Variants in BRWD1 observed in about 807,000 individuals in gnomAD.
The protein encoded by BRWD1 is bromodomain and WD repeat domain containing 1, also known as bromodomain and WD repeat-containing protein 1.
Under a neutral mutation model 251.2 loss-of-function variants are expected in BRWD1, and 82 were observed. The ratio of observed to expected loss-of-function variants is 0.33; its 90% CI spans 0.27 to 0.39. The LOEUF is 0.39. Among genes scored for constraint, BRWD1 ranks in the 10% least tolerant of loss-of-function variants. The pLI is 1.00. For synonymous variants in BRWD1, 918 were observed against 902.8 expected (o/e 1.02, Z -0.30); for missense variants, 2,233 against 2,711.6 (o/e 0.82, Z 3.92).
In BRWD1 at chr21:39,276,174, G is replaced by C; in HGVS notation, c.1144C>G (p.Arg382Gly). The C allele has an allele frequency of 6.2e-7, 1 of 1,606,506 alleles. No homozygotes were observed. The highest frequency in any genetic ancestry group is 8.5e-7 in the Non-Finnish European group (1 of 1,175,666). The stretch of plus-strand genomic sequence containing the variant: ...CACACATACAAAACACACACTTACC[G>C]ATCACCATTGTTACAAAATTGGATA... ...DSIQFCNNGD[R>G]FLSGSRDGTA... Residue 382 changes from arginine to glycine, a missense_variant and splice_region_variant, in exon 12 of 41, where the codon CGG (arginine) becomes GGG (glycine). By Grantham distance (125) the Arg-to-Gly change is moderately radical. Transcript: ENST00000342449.
In BRWD1 at chr21:39,258,596, A is replaced by G; in HGVS notation, c.1962T>C (p.Ile654=). Residue 654 remains isoleucine (I), a synonymous_variant, in exon 18 of 41, where the codon ATT becomes ATC. Coordinates refer to ENST00000342449, the MANE Select transcript of BRWD1 (RefSeq NM_033656.4). Reference sequence around the variant, plus strand: ...GCAACTGTCTTATCATTCCATCAAGAATACTCGATTCTGGGCTGCGTTCAT... The same window carrying G: ...GCAACTGTCTTATCATTCCATCAAGGATACTCGATTCTGGGCTGCGTTCAT... ...DNDERSPESS[I]LDGMIRQLQQ... is the part of the protein sequence containing the mutation. The G allele has an allele frequency of 6.2e-7, 1 of 1,613,468 alleles. No individual in the cohort carries two copies. Among genetic ancestry groups the G allele is most frequent in the African/African-American group, 1.3e-5 (1 of 75,012 alleles).
At chr21:39,220,920 T>A (rs552988525) in intron 29 of BRWD1, among the ~76,000 whole-genome samples, 2 of 152,078 alleles carry the variant, frequency 1.3e-5, no homozygotes, top group African/African-American at 4.8e-5. Flanking sequence ...CACTTTGGGA[T>A]GCCGAGGCAG....
chr21:39,276,913 A>T (rs1179915820), intron 11 of BRWD1, among the ~76,000 whole-genome samples: 1 of 152,224 alleles, frequency 6.6e-6, no homozygotes, highest in Non-Finnish European at 1.5e-5. Context: ...AATTGCTTGT[A>T]TGCTTAAATT....
At position 39,195,696 on chromosome 21, in the gene BRWD1, G is replaced by A; in HGVS notation, c.*563C>T. On this transcript the variant is annotated 3_prime_UTR_variant, in exon 41 of 41. Coordinates refer to ENST00000342449, the MANE Select transcript of BRWD1 (RefSeq NM_033656.4). ...AAAATTAGAAACCATTTCAATGAAA[G>A]TGACCAGATCTGGTATAATGCATTC... The A allele has an allele frequency of 2.0e-6, 2 of 985,158 alleles. No individual in the cohort carries two copies. Among genetic ancestry groups the A allele is most frequent in the Non-Finnish European group, 2.4e-6 (2 of 829,686 alleles). The allele number at this position is 985,158 out of a possible 1,614,324, so 61.0% of individuals were successfully genotyped here.
chr21:39,216,202 TAAG>T (rs2032885050), intron 31 of BRWD1, among the ~76,000 whole-genome samples: 5 of 152,120 alleles, frequency 3.3e-5, no homozygotes, highest in African/African-American at 4.8e-5. Context: ...TAAAAATCAT[TAAG>T]AATAGGAAAT....
rs760469559 is a variant in BRWD1 at position 39,228,596 on chromosome 21, TAA to T, written c.3126-16_3126-15del. ...ATATCATGATATCTAGACAAAAATT[TAA>T]AAAATTGTTAAACTCTCTACATAGC... On this transcript the variant is annotated splice_polypyrimidine_tract_variant and intron_variant, in intron 26 of 40. Transcript: ENST00000342449. 1.9e-6 allele frequency: 3 copies of T among 1,540,038 alleles called. No individual in the cohort carries two copies. Among genetic ancestry groups the T allele is most frequent in the East Asian group, 2.3e-5 (1 of 44,404 alleles).
rs142136565 is a variant in BRWD1, at chr21:39,202,422, G to A, written c.4488C>T (p.Ile1496=). The A allele has an allele frequency of 6.5e-5, 105 of 1,613,988 alleles. 1 individual carries two copies. Among genetic ancestry groups the A allele is most frequent in the Non-Finnish European group, 8.5e-5 (100 of 1,179,972 alleles). The part of the protein sequence containing the change: ...YLGTHKTSAG[I]SSGVTSGDSS... Reference sequence around the variant, plus strand: ...AGTCACCAGAAGTAACACCTGAAGAGATACCAGCACTTGTCTTGTGGGTTC... The same window carrying A: ...AGTCACCAGAAGTAACACCTGAAGAAATACCAGCACTTGTCTTGTGGGTTC... The change falls in exon 38 of 41, where the codon ATC becomes ATT. Residue 1496 remains isoleucine, a synonymous_variant. Coordinates refer to ENST00000342449, the MANE Select transcript of BRWD1 (RefSeq NM_033656.4).
rs991387870 is a variant in BRWD1 at position 39,195,704 on chromosome 21, A to T, written c.*555T>A. 1.1e-5 allele frequency: 11 copies of T among 984,968 alleles called. No homozygotes were observed. The African/African-American group carries it at 1.8e-4, about 16-fold the overall frequency. 61.0% of individuals were successfully genotyped at this position (984,968 alleles called of 1,614,324 possible). On this transcript the variant is annotated 3_prime_UTR_variant, in exon 41 of 41. Transcript: ENST00000342449. ...AAACCATTTCAATGAAAGTGACCAG[A>T]TCTGGTATAATGCATTCTACTCAAG...
intron 21 of BRWD1, among the ~76,000 whole-genome samples, chr21:39,246,491 C>T (rs548891821): frequency 6.6e-6 from 1 of 152,146 alleles, no homozygotes; most frequent in Non-Finnish European, 1.5e-5. Flanking sequence ...CCATACGACC[C>T]AGCATACCAT....
At chr21:39,206,657 C>G (rs564554499) in intron 36 of BRWD1, among the ~76,000 whole-genome samples, 3 of 152,296 alleles carry the variant, frequency 2.0e-5, no homozygotes, top group Admixed American at 6.5e-5. Flanking sequence ...AAAGCGCTGT[C>G]TTTCTTTGGG....
intron 17 of BRWD1, among the ~76,000 whole-genome samples, chr21:39,259,317 T>C (rs569745118): frequency 3.9e-4 from 59 of 152,092 alleles, no homozygotes; most frequent in African/African-American, 1.4e-3. Context: ...TGAGACGGAG[T>C]CTCACTTTTG....
At chr21:39,308,633 G>A (rs1160768397) in intron 4 of BRWD1, among the ~76,000 whole-genome samples, 1 of 152,066 alleles carries the variant, frequency 6.6e-6, no homozygotes, top group Non-Finnish European at 1.5e-5. Context: ...AAATACTGAT[G>A]TCCAGTCCCA....
chr21:39,214,720 G>C (rs2032809013), intron 32 of BRWD1, among the ~76,000 whole-genome samples: 1 of 151,844 alleles, frequency 6.6e-6, no homozygotes, highest in African/African-American at 2.4e-5. Context: ...CAACTTTCTG[G>C]AGTATAAAAT....
rs1188917293 is a variant in BRWD1, at chr21:39,229,352, G to C, written c.3085C>G (p.Pro1029Ala). 6.2e-7 allele frequency: 1 copy of C among 1,605,752 alleles called. No homozygotes were observed. Among genetic ancestry groups the C allele is most frequent in the East Asian group, 2.2e-5 (1 of 44,794 alleles). The change falls in exon 26 of 41, where the codon CCA becomes GCA. Residue 1029 changes from proline (P) to alanine (A), a missense_variant. Around this residue, in one of 12 missense-constraint regions of BRWD1, gnomAD observed 139 missense variants for 272.8 expected, o/e 0.51. Transcript: ENST00000342449. ...LCCLKLAFID[P>A]ATGKLMDKSF... is the part of the protein sequence containing the mutation. ...TTGTCCATAAGTTTTCCAGTTGCTG[G>C]ATCTATAAATGCTAGTTTTAGGCAA... is the stretch of plus-strand genomic sequence containing the variant.
chr21:39,190,416 C>A lies in BRWD1; in HGVS notation c.*5843G>T. ...GAGAATGAGAAAAGAATGTCTGACTCAAAATGAAAACATACTAGCCTCTTT... is the reference window on the plus strand; with the variant it reads ...GAGAATGAGAAAAGAATGTCTGACTAAAAATGAAAACATACTAGCCTCTTT... On this transcript the variant is annotated 3_prime_UTR_variant, in exon 41 of 41. Transcript: ENST00000342449. 1.0e-6 allele frequency: 1 copy of A among 985,316 alleles called. No individual in the cohort carries two copies. Among genetic ancestry groups the A allele is most frequent in the Non-Finnish European group, 1.2e-6 (1 of 829,878 alleles). The allele number at this position is 985,316 out of a possible 1,614,324, so 61.0% of individuals were successfully genotyped here. A position where few individuals can be genotyped will look rare whatever the true frequency, so the allele number is the denominator to read the frequency against.
chr21:39,256,416 A>G (rs1352777602), intron 18 of BRWD1, among the ~76,000 whole-genome samples: 1 of 152,242 alleles, frequency 6.6e-6, no homozygotes, highest in Non-Finnish European at 1.5e-5. Flanking sequence ...CACCAAGGCA[A>G]GTAGCTGTCA....
At chr21:39,273,822 A>C (rs911391072) in intron 13 of BRWD1, among the ~76,000 whole-genome samples, 23 of 152,322 alleles carry the variant, frequency 1.5e-4, no homozygotes, top group African/African-American at 5.3e-4. Context: ...TTTCTCAGAA[A>C]AACTGATATG....
chr21:39,261,200 G>A (rs573510337), intron 17 of BRWD1, among the ~76,000 whole-genome samples: 1 of 152,232 alleles, frequency 6.6e-6, no homozygotes, highest in South Asian at 2.1e-4. Context: ...ACTCCAGCCT[G>A]GGCAACAGAG....
chr21:39,217,056 T>A lies in BRWD1; in HGVS notation c.3659+1096A>T, dbSNP rs1202531828. On this transcript the variant is annotated intron_variant, in intron 31 of 40. Transcript: ENST00000342449. ...ATATAAATATATATATATATTTATA[T>A]ATATATATATATATATATATATATA... 1.0e-3 allele frequency: 16 copies of A among 15,750 alleles called. 1 individual carries two copies. Among genetic ancestry groups the A allele is most frequent in the African/African-American group, 2.9e-3 (14 of 4,828 alleles). The allele number at this position is 15,750 out of a possible 1,614,324, so 1.0% of individuals were successfully genotyped here.
Sources: allele counts gnomAD v4.1 joint callset (sites outside exome capture counted in the v4.1 genomes callset), GRCh38; gene constraint gnomAD v4.1.1; regional missense constraint gnomAD v4.1.1; transcripts MANE v1.5; gene names NCBI Gene and HGNC (gene_info 2026-07-23, HGNC 2026-07-21).